The following NQO2 variants were observed in gnomAD, a reference collection of about 807,000 sequenced individuals.
NQO2 encodes the protein N-ribosyldihydronicotinamide:quinone dehydrogenase 2.
Under a neutral mutation model 22.0 loss-of-function variants are expected in NQO2, and 18 were observed. That is an observed-to-expected ratio of 0.82 (90% confidence interval 0.56 to 1.21). The LOEUF (loss-of-function observed/expected upper bound fraction) is 1.21. NQO2 is among the 50% of genes most tolerant of loss of function. The pLI, the probability that NQO2 is intolerant of heterozygous loss-of-function variation, is 0.00. For missense variants in NQO2, 267 were observed against 286.9 expected (o/e 0.93, Z 0.50); for synonymous variants, 106 against 110.8 (o/e 0.96, Z 0.28).
At chr6:3,013,277 T>C (rs541403780) in intron 4 of NQO2, among the ~76,000 whole-genome samples, 33 of 152,266 alleles carry the variant, frequency 2.2e-4, no homozygotes, top group Non-Finnish European at 4.3e-4. Flanking sequence ...CTTTAAACAC[T>C]TTACCTAATT....
At chr6:3,012,716 T>G (rs1757177935) in intron 4 of NQO2, 42 bp downstream of exon 4, 1 of 1,584,084 alleles carries the variant, frequency 6.3e-7, no homozygotes, top group Non-Finnish European at 8.6e-7. Context: ...AGATTCATCT[T>G]ATGTACAAAC....
intron 2 of NQO2, among the ~76,000 whole-genome samples, chr6:3,008,924 G>A (rs1422191449): frequency 3.3e-5 from 5 of 152,166 alleles, no homozygotes; most frequent in Non-Finnish European, 5.9e-5. Context: ...ATATCACAAA[G>A]CAAATGGAGG....
intron 2 of NQO2, chr6:3,007,020 A>G (rs1756973273): frequency 2.5e-6 from 1 of 397,964 alleles, no homozygotes; most frequent in African/African-American, 2.1e-5. Flanking sequence ...TCAACTTTTT[A>G]ATTTCACCTA....
At chr6:3,014,746 A>G (rs759237077) in intron 4 of NQO2, among the ~76,000 whole-genome samples, 4 of 152,186 alleles carry the variant, frequency 2.6e-5, no homozygotes, top group Non-Finnish European at 4.4e-5. Flanking sequence ...CTCACTGAGC[A>G]TTGATTCTGT....
chr6:3,016,620 TG>T, intron 5 of NQO2: 1 of 293,028 alleles, frequency 3.4e-6, no homozygotes, highest in Non-Finnish European at 5.1e-6. Flanking sequence ...CCATCACACA[TG>T]GTGTCATGGA....
In NQO2 at chr6:3,017,794, C is replaced by T. The variant is rs113565466; in HGVS notation, c.519+809C>T. Among the ~76,000 whole-genome samples, 802 of 152,138 alleles carry T rather than the reference C, an allele frequency of 5.3e-3. 11 individuals carry two copies. The highest frequency in any genetic ancestry group is 0.018 in the African/African-American group (749 of 41,490). On this transcript the variant is annotated intron_variant, in intron 6 of 6. Coordinates refer to ENST00000380455, the MANE Select transcript of NQO2 (RefSeq NM_000904.6). ...TCCAGGTTGTTTAAGGGAGGTTTGT[C>T]GAGACAGGGGGAGAGCTCGTTCTTG...
chr6:3,012,497 G>A, intron 3 of NQO2, 47 bp from the exon 4 acceptor site: 6 of 1,610,626 alleles, frequency 3.7e-6, no homozygotes, highest in Non-Finnish European at 5.1e-6. Flanking sequence ...GGGATGGGCT[G>A]TGGATGCCCA....
intron 3 of NQO2, among the ~76,000 whole-genome samples, chr6:3,010,653 A>C (rs1389882854): frequency 6.6e-6 from 1 of 152,202 alleles, no homozygotes; most frequent in African/African-American, 2.4e-5. Flanking sequence ...GACAACAGCC[A>C]GAGACAAAGG....
In NQO2 at chr6:3,019,749, A is replaced by T. The variant is rs1220877285; in HGVS notation, c.*94A>T. 9.0e-7 allele frequency: 1 copy of T among 1,105,420 alleles called. No individual in the cohort carries two copies. The highest frequency in any genetic ancestry group is 1.3e-6 in the Non-Finnish European group (1 of 798,916). 68.5% of individuals were successfully genotyped at this position (1,105,420 alleles called of 1,614,324 possible). ...TGCTGTCATGAAATAAAATTACAAC[A>T]TAGCTACCTGGGGATACTTTTTTCT... On this transcript the variant is annotated 3_prime_UTR_variant, in exon 7 of 7. Transcript: ENST00000380455.
chr6:3,000,709 T>C (rs1756657698), intron 1 of NQO2, among the ~76,000 whole-genome samples: 1 of 152,014 alleles, frequency 6.6e-6, no homozygotes, highest in South Asian at 2.1e-4. Flanking sequence ...GCCTGGCTAA[T>C]TTTTTGTATG....
At chr6:3,015,276 G>A in intron 4 of NQO2, 2 of 1,444,034 alleles carry the variant, frequency 1.4e-6, no homozygotes, top group Admixed American at 4.2e-5. Context: ...TGCCTGCCCA[G>A]GGCCAGCATC....
intron 3 of NQO2, 200 bp from the exon 4 acceptor site, chr6:3,012,344 G>A (rs1757160595): frequency 2.1e-6 from 2 of 951,988 alleles, no homozygotes; most frequent in Non-Finnish European, 2.5e-6. Flanking sequence ...GCACCTGCTA[G>A]GTAGCAAGTG....
intron 1 of NQO2, among the ~76,000 whole-genome samples, chr6:3,001,133 A>C: frequency 2.1e-5 from 3 of 143,542 alleles, no homozygotes; most frequent in Non-Finnish European, 3.0e-5. Context: ...CTTATTGCCC[A>C]AGCTGGAGTG....
At chr6:3,016,807 C>A in intron 5 of NQO2, 77 bp from the exon 6 acceptor site, 1 of 1,569,472 alleles carries the variant, frequency 6.4e-7, no homozygotes, top group South Asian at 1.1e-5. Context: ...CTGTGCTGAG[C>A]CCGTGTGCTG....
chr6:3,017,235 C>CTTTTG (rs1757363689), intron 6 of NQO2, among the ~76,000 whole-genome samples: 1 of 152,236 alleles, frequency 6.6e-6, no homozygotes, highest in South Asian at 2.1e-4. Flanking sequence ...ATAGGGAAAA[C>CTTTTG]ATGCCCTAAT....
intron 1 of NQO2, among the ~76,000 whole-genome samples, chr6:3,003,238 A>C (rs1383609254): frequency 1.3e-5 from 2 of 152,004 alleles, no homozygotes; most frequent in Non-Finnish European, 2.9e-5. Flanking sequence ...TTACAGCCCC[A>C]CTTCTCACTG....
chr6:3,010,133 TGTC>T lies in NQO2; in HGVS notation c.117_119del (p.Ser40del), dbSNP rs769292646. On this transcript the variant is annotated inframe_deletion, in exon 3 of 7. Coordinates refer to ENST00000380455, the MANE Select transcript of NQO2 (RefSeq NM_000904.6). ...AGCAGGCAGGGCTGCACCGTCACAG[TGTC>T]TGATTTGTATGCCATGAACCTTGAG... 3 of 1,613,996 alleles carry T rather than the reference TGTC, an allele frequency of 1.9e-6. No individual in the cohort carries two copies. In the Admixed American group the frequency reaches 5.0e-5, roughly 27 times the overall value.
intron 2 of NQO2, among the ~76,000 whole-genome samples, chr6:3,009,173 C>T (rs1464611114): frequency 6.6e-6 from 1 of 152,194 alleles, no homozygotes; most frequent in Non-Finnish European, 1.5e-5. Flanking sequence ...CGCCCCGAAG[C>T]GGCCATTTCA....
chr6:3,015,385 A>C, intron 4 of NQO2, 145 bp from the exon 5 acceptor site: 2 of 1,468,048 alleles, frequency 1.4e-6, no homozygotes, highest in Non-Finnish European at 1.8e-6. Context: ...CACCTTTCAG[A>C]GCTGACCATA....
Sources: gnomAD v4.1 joint callset for allele counts (sites outside exome capture counted in the v4.1 genomes callset) on GRCh38, gnomAD v4.1.1 for gene constraint, MANE v1.5 for transcripts, NCBI Gene and HGNC (gene_info 2026-07-23, HGNC 2026-07-21) for gene names.